Variants in FLNB observed in about 807,000 individuals in gnomAD.
FLNB encodes filamin B.
A neutral mutation model predicts 250.6 loss-of-function variants in FLNB; 111 were observed. The ratio of observed to expected loss-of-function variants is 0.44; its 90% CI spans 0.38 to 0.52. The LOEUF (loss-of-function observed/expected upper bound fraction) is 0.52. Ranked by LOEUF, FLNB falls within the 20% of genes least tolerant of loss-of-function variation. The pLI is 0.00. For missense variants in FLNB, 2,869 were observed against 3,447.8 expected (o/e 0.83, Z 4.20); for synonymous variants, 1,302 against 1,372.1 (o/e 0.95, Z 1.13).
intron 18 of FLNB, among the ~76,000 whole-genome samples, chr3:58,114,850 A>G (rs1342056743): frequency 6.6e-6 from 1 of 151,900 alleles, no homozygotes; most frequent in Non-Finnish European, 1.5e-5. Flanking sequence ...GGTCCTTTGC[A>G]TATTTTCTTT....
chr3:58,060,769 C>CAAAAAAAAAAAAAAAAAAAAAAAA (rs71091334), intron 1 of FLNB, among the ~76,000 whole-genome samples: 12 of 64,214 alleles, frequency 1.9e-4, no homozygotes, highest in Non-Finnish European at 3.1e-4. Flanking sequence ...GACCTTGTCT[C>CAAAAAAAAAAAAAAAAAAAAAAAA]AAAAAAAAAA....
chr3:58,016,903 T>C (rs1351238110), intron 1 of FLNB, among the ~76,000 whole-genome samples: 2 of 152,240 alleles, frequency 1.3e-5, no homozygotes, highest in Non-Finnish European at 2.9e-5. Flanking sequence ...GACATTCTAC[T>C]AGAAGCCATC....
intron 19 of FLNB, among the ~76,000 whole-genome samples, chr3:58,120,464 G>A (rs574346951): frequency 1.3e-5 from 2 of 152,338 alleles, no homozygotes; most frequent in Admixed American, 1.3e-4. Context: ...GGTTGTGGCA[G>A]GGGCCCTGTG....
Position 58,017,481 on chromosome 3 carries a change from G to A in FLNB, c.292+8625G>A, listed in dbSNP as rs185841335. Among the ~76,000 whole-genome samples, 274 of 152,220 alleles carry A rather than the reference G, an allele frequency of 1.8e-3. 1 individual carries two copies. Among genetic ancestry groups the A allele is most frequent in the Middle Eastern group, 6.8e-3 (2 of 294 alleles). On this transcript the variant is annotated intron_variant, in intron 1 of 45. Transcript: ENST00000295956. Reference sequence around the variant, plus strand: ...TTGGTCAGGCTGGTCTCGAACTCCCGATCTCAGGTGATCCGCCCGCTTTGG... The same window carrying A: ...TTGGTCAGGCTGGTCTCGAACTCCCAATCTCAGGTGATCCGCCCGCTTTGG...
At chr3:58,086,862 C>T (rs1396725592) in intron 4 of FLNB, among the ~76,000 whole-genome samples, 1 of 152,206 alleles carries the variant, frequency 6.6e-6, no homozygotes, top group East Asian at 1.9e-4. Flanking sequence ...CGCCTGTAAT[C>T]CCAGTACTTT....
chr3:58,087,834 G>A (rs558952935), intron 4 of FLNB, among the ~76,000 whole-genome samples: 3 of 149,024 alleles, frequency 2.0e-5, no homozygotes, highest in African/African-American at 7.4e-5. Context: ...TCTGCCTCCT[G>A]GATTCAAGTA....
chr3:58,066,288 C>T (rs536471813), intron 1 of FLNB, among the ~76,000 whole-genome samples: 2 of 148,882 alleles, frequency 1.3e-5, no homozygotes, highest in Non-Finnish European at 3.0e-5. Flanking sequence ...GGCGAAATCT[C>T]GGCTCACCAC....
Position 58,109,653 on chromosome 3 carries a change from A to G in FLNB, c.2277A>G (p.Ala759=). Residue 759 remains alanine (A), a synonymous_variant, in exon 15 of 46, where the codon GCA becomes GCG. Coordinates refer to ENST00000295956, the MANE Select transcript of FLNB (RefSeq NM_001457.4). ...GPGVERSGLK[A]NEPTHFTVDC... Reference sequence around the variant, plus strand: ...GTGTGGAGAGAAGTGGTCTGAAGGCAAATGAACCTACACACTTCACGGTGG... The same window carrying G: ...GTGTGGAGAGAAGTGGTCTGAAGGCGAATGAACCTACACACTTCACGGTGG... 1 of 1,614,158 alleles carries G rather than the reference A, an allele frequency of 6.2e-7. No homozygotes were observed. The highest frequency in any genetic ancestry group is 8.5e-7 in the Non-Finnish European group (1 of 1,180,038).
At position 58,126,706 on chromosome 3, in the gene FLNB, C is replaced by T. The variant is rs946886580; in HGVS notation, c.4166C>T (p.Pro1389Leu). ...GGCAGCTGCAGTGCTGAGTACATTC[C>T]TTTCGCACCGGGGGATTACGATGTT... ...KDGSCSAEYI[P>L]FAPGDYDVNI... is the part of the protein sequence containing the mutation. The change falls in exon 24 of 46, where the codon CCT becomes CTT. Residue 1389 changes from proline to leucine, a missense_variant. Pro to Leu is a moderately conservative substitution (Grantham distance 98, BLOSUM62 -3). Transcript: ENST00000295956. 5 of 1,613,926 alleles carry T rather than the reference C, an allele frequency of 3.1e-6. No individual in the cohort carries two copies. Among genetic ancestry groups the T allele is most frequent in the Non-Finnish European group, 4.2e-6 (5 of 1,179,952 alleles).
chr3:58,051,457 CCTTT>C (rs2097162278), intron 1 of FLNB, among the ~76,000 whole-genome samples: 1 of 152,124 alleles, frequency 6.6e-6, no homozygotes. Flanking sequence ...CTCTCCTTTC[CCTTT>C]CTTTGTATAC....
chr3:58,105,161 C>G lies in FLNB; in HGVS notation c.1692C>G (p.Val564=). ...GCCCTGGGCTCCATGGTGGGATTGT[C>G]GGGCGGTCAGCGGACTTCGTGGTAG... ...AWGPGLHGGI[V]GRSADFVVES... is the part of the protein sequence containing the mutation. Residue 564 remains valine (V), a synonymous_variant, in exon 11 of 46, where the codon GTC becomes GTG. Transcript: ENST00000295956. 1 of 1,614,182 alleles carries G rather than the reference C, an allele frequency of 6.2e-7. No individual in the cohort carries two copies. Among genetic ancestry groups the G allele is most frequent in the Non-Finnish European group, 8.5e-7 (1 of 1,180,040 alleles).
intron 1 of FLNB, among the ~76,000 whole-genome samples, chr3:58,012,052 A>G (rs1439562480): frequency 1.4e-4 from 22 of 152,072 alleles, no homozygotes; most frequent in Admixed American, 1.4e-3. Context: ...CTCTACTAAA[A>G]ATACAAAAAT....
In FLNB at chr3:58,121,372, CG is replaced by C; in HGVS notation, c.2998del (p.Glu1000ArgfsTer17). ...ATGCCTAGTGACACCTGTGACAGGCCGGGAGAACAGCACGGCCAAGTTCATC... is the reference window on the plus strand; with the variant it reads ...ATGCCTAGTGACACCTGTGACAGGCCGGAGAACAGCACGGCCAAGTTCATC... ...VPCLVTPVTG[R>X]ENSTAKFIPR... On this transcript the variant is annotated frameshift_variant, in exon 20 of 46. Transcript: ENST00000295956. LOFTEE classifies it high-confidence loss of function. 6.2e-7 allele frequency: 1 copy of C among 1,614,010 alleles called. No homozygotes were observed.
intron 1 of FLNB, among the ~76,000 whole-genome samples, chr3:58,013,553 G>A (rs1049730460): frequency 6.6e-6 from 1 of 152,194 alleles, no homozygotes; most frequent in South Asian, 2.1e-4. Context: ...GGCCGGACGT[G>A]GTGGCTCATG....
chr3:58,124,599 A>G (rs1466531611), intron 22 of FLNB, 94 bp downstream of exon 22: 5 of 1,376,564 alleles, frequency 3.6e-6, no homozygotes, highest in Non-Finnish European at 5.1e-6. Flanking sequence ...CCCATGTGCT[A>G]GGCCTGTCTC....
intron 1 of FLNB, among the ~76,000 whole-genome samples, chr3:58,019,634 G>A (rs1372282521): frequency 6.6e-6 from 1 of 152,104 alleles, no homozygotes; most frequent in African/African-American, 2.4e-5. Context: ...TAGATATATT[G>A]TAGTGAGAGG....
At chr3:58,042,992 C>T (rs1323564885) in intron 1 of FLNB, among the ~76,000 whole-genome samples, 1 of 152,126 alleles carries the variant, frequency 6.6e-6, no homozygotes, top group Non-Finnish European at 1.5e-5. Context: ...CATTTGACAC[C>T]TATAACTTCT....
chr3:58,105,738 G>A (rs917933155), intron 11 of FLNB, among the ~76,000 whole-genome samples: 1 of 152,190 alleles, frequency 6.6e-6, no homozygotes, highest in Non-Finnish European at 1.5e-5. Flanking sequence ...TAGCCTGAAA[G>A]CAGCTATAGG....
chr3:58,146,532 G>A, intron 33 of FLNB: 4 of 452,638 alleles, frequency 8.8e-6, no homozygotes, highest in South Asian at 8.5e-5. Flanking sequence ...ATGTGTAATT[G>A]ATGTACACGG....
Sources: allele counts gnomAD v4.1 joint callset (sites outside exome capture counted in the v4.1 genomes callset), GRCh38; gene constraint gnomAD v4.1.1; transcripts MANE v1.5; gene names NCBI Gene and HGNC (gene_info 2026-07-23, HGNC 2026-07-21).